CYP4F22: variants seen among roughly 807,000 people sequenced by gnomAD.
The protein encoded by CYP4F22 is ultra-long-chain fatty acid omega-hydroxylase.
A neutral mutation model predicts 60.4 loss-of-function variants in CYP4F22; 37 were observed. That is an observed-to-expected ratio of 0.61 (90% CI 0.47 to 0.81). CYP4F22 has a LOEUF of 0.81. Ranked by LOEUF, CYP4F22 falls within the 30% of genes least tolerant of loss-of-function variation. The pLI is 0.00. For synonymous variants in CYP4F22, 258 were observed against 280.5 expected (o/e 0.92, Z 0.80); for missense variants, 655 against 715.0 (o/e 0.92, Z 0.96).
intron 4 of CYP4F22, among the ~76,000 whole-genome samples, chr19:15,532,715 C>G (rs1971357054): frequency 6.6e-6 from 1 of 152,090 alleles, no homozygotes; most frequent in Admixed American, 6.6e-5. Flanking sequence ...CCTTCTCCTC[C>G]CCCTCAGAGC....
intron 12 of CYP4F22, among the ~76,000 whole-genome samples, chr19:15,549,471 A>G (rs1195129773): frequency 6.6e-6 from 1 of 152,052 alleles, no homozygotes; most frequent in African/African-American, 2.4e-5. Context: ...GTTTTGGGGA[A>G]GACAATAAGC....
chr19:15,528,099 C>T (rs1163861919), intron 3 of CYP4F22, among the ~76,000 whole-genome samples: 4 of 152,038 alleles, frequency 2.6e-5, no homozygotes, highest in Non-Finnish European at 4.4e-5. Flanking sequence ...AGTGGCCTGA[C>T]GTCCAGCTGC....
intron 8 of CYP4F22, among the ~76,000 whole-genome samples, chr19:15,542,581 T>C (rs1226648156): frequency 6.6e-6 from 1 of 152,132 alleles, no homozygotes; most frequent in Non-Finnish European, 1.5e-5. Context: ...AGGATACGTG[T>C]GTAGGGCGTG....
At chr19:15,532,122 A>T (rs571531320) in intron 4 of CYP4F22, among the ~76,000 whole-genome samples, 2 of 152,050 alleles carry the variant, frequency 1.3e-5, no homozygotes, top group East Asian at 1.9e-4. Flanking sequence ...ATTAAAAAAA[A>T]AATAATATGG....
At chr19:15,534,039 G>C (rs991955642) in intron 4 of CYP4F22, among the ~76,000 whole-genome samples, 2 of 152,186 alleles carry the variant, frequency 1.3e-5, no homozygotes, top group Admixed American at 1.3e-4. Context: ...GTTTTCCACA[G>C]AGGGTGTGCA....
At chr19:15,537,257 C>T in intron 4 of CYP4F22, 104 bp from the exon 5 acceptor site, 1 of 1,456,526 alleles carries the variant, frequency 6.9e-7, no homozygotes, top group Non-Finnish European at 9.6e-7. Context: ...GTGGAGATCG[C>T]ACCACTGCAC....
Position 15,544,241 on chromosome 19 carries a change from G to C in CYP4F22, c.1098G>C (p.Gln366His). 1.2e-6 allele frequency: 2 copies of C among 1,614,118 alleles called. No individual in the cohort carries two copies. Among genetic ancestry groups the C allele is most frequent in the Non-Finnish European group, 1.7e-6 (2 of 1,180,036 alleles). Residue 366 changes from glutamine to histidine, a missense_variant, in exon 10 of 14, where the codon CAG (glutamine) becomes CAC (histidine). This residue lies in a region of CYP4F22 where 74 missense variants were observed against 118.4 expected (regional missense o/e 0.62). Coordinates refer to ENST00000269703, the MANE Select transcript of CYP4F22 (RefSeq NM_173483.4). ...AGGAGAAATGCCGAGAAGAGATTCA[G>C]GAAGTCATGAAAGGCCGGGAGCTGG... is the stretch of plus-strand genomic sequence containing the variant. ...EYQEKCREEIQEVMKGRELEE... is the reference protein window; with the variant it reads ...EYQEKCREEIHEVMKGRELEE...
At chr19:15,512,026 G>A (rs568192609) in intron 1 of CYP4F22, among the ~76,000 whole-genome samples, 11 of 151,874 alleles carry the variant, frequency 7.2e-5, no homozygotes, top group Non-Finnish European at 1.0e-4. Context: ...CATGCCAGCC[G>A]CCCACAACAT....
intron 4 of CYP4F22, among the ~76,000 whole-genome samples, chr19:15,534,591 G>A (rs1281791054): frequency 1.3e-5 from 2 of 152,078 alleles, no homozygotes; most frequent in African/African-American, 4.8e-5. Context: ...TGCTAGGACT[G>A]CAGGTGTGAA....
At chr19:15,515,525 G>T in intron 1 of CYP4F22, 1 of 629,602 alleles carries the variant, frequency 1.6e-6, no homozygotes, top group South Asian at 1.4e-5. Context: ...AGGAGTTCAA[G>T]ACCAGCCTGG....
intron 1 of CYP4F22, among the ~76,000 whole-genome samples, chr19:15,521,978 C>G (rs766169420): frequency 8.5e-5 from 13 of 152,120 alleles, no homozygotes; most frequent in Non-Finnish European, 1.6e-4. Flanking sequence ...AACTCTGTCT[C>G]TGCTAAAAAT....
intron 1 of CYP4F22, among the ~76,000 whole-genome samples, chr19:15,511,621 A>T (rs1971093144): frequency 1.3e-5 from 2 of 152,076 alleles, no homozygotes; most frequent in South Asian, 4.1e-4. Context: ...ATCAGTGGGG[A>T]CGGGGGCAGG....
At chr19:15,527,790 T>G (rs1971299527) in intron 3 of CYP4F22, among the ~76,000 whole-genome samples, 2 of 152,254 alleles carry the variant, frequency 1.3e-5, no homozygotes, top group Admixed American at 1.3e-4. Flanking sequence ...TAGGCTCCTT[T>G]GTAGCTGAGC....
chr19:15,544,092 G>A (rs1971494883), intron 9 of CYP4F22, 55 bp downstream of exon 9: 1 of 1,614,156 alleles, frequency 6.2e-7, no homozygotes, highest in South Asian at 1.1e-5. Flanking sequence ...ATTGTCTGTA[G>A]ACAGCATCTC....
At position 15,537,896 on chromosome 19, in the gene CYP4F22, G is replaced by A; in HGVS notation, c.574G>A (p.Gly192Ser). 3.7e-6 allele frequency: 6 copies of A among 1,614,042 alleles called. No individual in the cohort carries two copies. The highest frequency in any genetic ancestry group is 2.2e-5 in the South Asian group (2 of 91,068). Residue 192 changes from glycine to serine, a missense_variant, in exon 7 of 14, where the codon GGC (glycine) becomes AGC (serine). Transcript: ENST00000269703. ...GGCTAAATGGCGGCATCTGGCAGAG[G>A]GCTCAGCGGTCTCCCTTGATATGTT... ...MHAKWRHLAE[G>S]SAVSLDMFEH...
intron 1 of CYP4F22, among the ~76,000 whole-genome samples, chr19:15,514,499 A>T (rs1568352754): frequency 1.3e-5 from 2 of 152,160 alleles, no homozygotes; most frequent in African/African-American, 2.4e-5. Context: ...CAGCCTGGCC[A>T]AGATGGTGAA....
rs1794200390 is a variant in CYP4F22, at chr19:15,550,736, G to A, written c.1398G>A (p.Val466=). Residue 466 remains valine (V), a synonymous_variant, in exon 13 of 14, where the codon GTG becomes GTA. Transcript: ENST00000269703. ...NPQQRSPLAY[V]PFSAGPRNCI... is the part of the protein sequence containing the mutation. ...AGCAGCGCTCTCCACTGGCCTATGT[G>A]CCCTTCTCTGCAGGACCCAGGTAAC... 1.2e-6 allele frequency: 2 copies of A among 1,614,180 alleles called. No individual in the cohort carries two copies. Among genetic ancestry groups the A allele is most frequent in the East Asian group, 2.2e-5 (1 of 44,868 alleles).
chr19:15,541,539 G>T (rs532131028), intron 8 of CYP4F22, among the ~76,000 whole-genome samples: 24 of 152,108 alleles, frequency 1.6e-4, no homozygotes, highest in Admixed American at 1.3e-4. Flanking sequence ...CTAGCGGAGG[G>T]GGGGTGGGCA....
At chr19:15,525,658 A>G (rs1445655150) in intron 3 of CYP4F22, 100 bp downstream of exon 3, 1 of 1,195,268 alleles carries the variant, frequency 8.4e-7, no homozygotes, top group Non-Finnish European at 1.2e-6. Flanking sequence ...CCTCCCAAGA[A>G]TCTGGTTGGG....
Sources: gnomAD v4.1 joint callset for allele counts (sites outside exome capture counted in the v4.1 genomes callset) on GRCh38, gnomAD v4.1.1 for gene constraint, gnomAD v4.1.1 regional missense constraint, MANE v1.5 for transcripts, NCBI Gene and HGNC (gene_info 2026-07-23, HGNC 2026-07-21) for gene names.